The following SYNE2 variants were observed in gnomAD, a reference collection of about 807,000 sequenced individuals.
SYNE2 encodes nesprin-2.
A neutral mutation model predicts 856.3 loss-of-function variants in SYNE2; 431 were observed. The ratio of observed to expected loss-of-function variants is 0.50; its 90% CI spans 0.47 to 0.55. The LOEUF (loss-of-function observed/expected upper bound fraction) is 0.55. Among genes scored for constraint, SYNE2 ranks in the 20% least tolerant of loss-of-function variants. The pLI is 0.00. For missense variants in SYNE2, 8,129 were observed against 8,023.2 expected, an observed-to-expected ratio of 1.01 and a Z score of -0.50; for synonymous variants, 2,923 against 2,872.3, an observed-to-expected ratio of 1.02 and a Z score of -0.56.
chr14:64,128,676 A>G, intron 74 of SYNE2, 123 bp downstream of exon 74: 2 of 708,906 alleles, frequency 2.8e-6, no homozygotes, highest in Non-Finnish European at 5.2e-6. Flanking sequence ...TAAATAAAAA[A>G]TGAGAACTAT....
chr14:63,779,088 G>A (rs561212303), intron 1 of SYNE2, among the ~76,000 whole-genome samples: 9 of 152,140 alleles, frequency 5.9e-5, no homozygotes, highest in Admixed American at 2.0e-4. Context: ...GGGAGGTTGA[G>A]GTGGGTAGAT....
intron 1 of SYNE2, among the ~76,000 whole-genome samples, chr14:63,866,049 T>C (rs1481607726): frequency 6.6e-6 from 1 of 152,156 alleles, no homozygotes; most frequent in Admixed American, 6.5e-5. Context: ...TTTTTCCTTA[T>C]CTCAAATCCT....
At position 64,074,113 on chromosome 14, in the gene SYNE2, C is replaced by G; in HGVS notation, c.10843C>G (p.Pro3615Ala). 1.2e-6 allele frequency: 2 copies of G among 1,614,078 alleles called. No homozygotes were observed. The highest frequency in any genetic ancestry group is 2.2e-5 in the East Asian group (1 of 44,872). ...CCAAAATATGGCATTCCAGGATCAC[C>G]CAGAAAAGTCAGAACAATTTGAGGT... ...SFQNMAFQDH[P>A]EKSEQFEELQ... Residue 3615 changes from proline (P) to alanine (A), a missense_variant, in exon 53 of 116, where the codon CCA (proline) becomes GCA (alanine). Pro to Ala is a conservative substitution (Grantham distance 27, BLOSUM62 -1). Transcript: ENST00000555002.
chr14:64,158,787 A>T lies in SYNE2; in HGVS notation c.15955A>T (p.Asn5319Tyr). 6.2e-7 allele frequency: 1 copy of T among 1,613,892 alleles called. No homozygotes were observed. The highest frequency in any genetic ancestry group is 2.2e-5 in the East Asian group (1 of 44,870). Reference sequence around the variant, plus strand: ...GGAGACCTTGAGATGCCAGGTGGAGAACCTTCAGGTAAATTAACCAGAGCT... The same window carrying T: ...GGAGACCTTGAGATGCCAGGTGGAGTACCTTCAGGTAAATTAACCAGAGCT... ...SLETLRCQVE[N>Y]LQSLQDEAES... is the part of the protein sequence containing the mutation. The change falls in exon 86 of 116, where the codon AAC becomes TAC. Residue 5319 changes from asparagine (N) to tyrosine (Y), a missense_variant. Coordinates refer to ENST00000555002, the MANE Select transcript of SYNE2 (RefSeq NM_182914.3).
At chr14:63,975,574 TC>T (rs1041340987) in intron 11 of SYNE2, among the ~76,000 whole-genome samples, 9 of 152,186 alleles carry the variant, frequency 5.9e-5, no homozygotes, top group Admixed American at 5.9e-4. Flanking sequence ...GCTCAACTGA[TC>T]CGCCTGCCTT....
At chr14:64,041,856 AAAAAAAG>A (rs1452312470) in intron 45 of SYNE2, among the ~76,000 whole-genome samples, 2 of 151,954 alleles carry the variant, frequency 1.3e-5, no homozygotes, top group Non-Finnish European at 2.9e-5. Flanking sequence ...TCTTAAAAAA[AAAAAAAG>A]AAAAAAGAAA....
intron 45 of SYNE2, among the ~76,000 whole-genome samples, chr14:64,041,813 G>A (rs2097150573): frequency 6.6e-6 from 1 of 150,562 alleles, no homozygotes; most frequent in African/African-American, 2.5e-5. Context: ...TCACACCACT[G>A]CACTCCAGCC....
rs116599430 is a variant in SYNE2, at chr14:63,918,729, A to C, written c.79+9502A>C. On this transcript the variant is annotated intron_variant, in intron 2 of 115. Transcript: ENST00000555002. ...CTGGATTTTTCCATCTTTACTGCAC[A>C]GGGGATTTCATCAGTGGTGTTGTGT... Among the ~76,000 whole-genome samples, 961 of 152,322 alleles carry C rather than the reference A, an allele frequency of 6.3e-3. 16 individuals carry two copies. The highest frequency in any genetic ancestry group is 0.022 in the African/African-American group (932 of 41,560).
At position 64,020,011 on chromosome 14, in the gene SYNE2, A is replaced by C. The variant is rs367612349; in HGVS notation, c.5069A>C (p.Glu1690Ala). 2 of 1,612,824 alleles carry C rather than the reference A, an allele frequency of 1.2e-6. No homozygotes were observed. The highest frequency in any genetic ancestry group is 2.7e-5 in the African/African-American group (2 of 74,916). The part of the protein sequence containing the change: ...ERLKEELQVH[E>A]QKTSEFSRRV... ...TTTTAGGAAGAATTACAAGTCCATGAACAAAAAACTTCAGAATTTTCTAGA... is the reference window on the plus strand; with the variant it reads ...TTTTAGGAAGAATTACAAGTCCATGCACAAAAAACTTCAGAATTTTCTAGA... Residue 1690 changes from glutamate (E) to alanine (A), a missense_variant, in exon 35 of 116, where the codon GAA (glutamate) becomes GCA (alanine). Coordinates refer to ENST00000555002, the MANE Select transcript of SYNE2 (RefSeq NM_182914.3).
chr14:63,919,287 G>T (rs1270522862), intron 2 of SYNE2, among the ~76,000 whole-genome samples: 1 of 152,206 alleles, frequency 6.6e-6, no homozygotes, highest in Non-Finnish European at 1.5e-5. Flanking sequence ...AGATTTAAGT[G>T]AGTTTATATC....
At chr14:63,939,762 A>C (rs76681567) in intron 2 of SYNE2, among the ~76,000 whole-genome samples, 2,720 of 152,296 alleles carry the variant, frequency 0.018, 82 homozygotes, top group African/African-American at 0.061. Context: ...AATGCGTATT[A>C]CTTTTTTATT....
At position 64,053,450 on chromosome 14, in the gene SYNE2, T is replaced by C; in HGVS notation, c.9537T>C (p.Asn3179=). The change falls in exon 48 of 116, where the codon AAT becomes AAC. Residue 3179 remains asparagine (N), a synonymous_variant. Coordinates refer to ENST00000555002, the MANE Select transcript of SYNE2 (RefSeq NM_182914.3). The part of the protein sequence containing the change: ...KSQLQQPLLI[N]LEIKHIQNEK... ...AATTACAGCAGCCATTACTTATAAA[T>C]TTGGAAATTAAACATATTCAAAATG... The C allele has an allele frequency of 6.2e-7, 1 of 1,613,532 alleles. No individual in the cohort carries two copies. The highest frequency in any genetic ancestry group is 1.1e-5 in the South Asian group (1 of 90,736).
chr14:63,835,709 C>T (rs929176968), intron 1 of SYNE2, among the ~76,000 whole-genome samples: 5 of 152,008 alleles, frequency 3.3e-5, no homozygotes, highest in South Asian at 2.1e-4. Flanking sequence ...CAAGGCCGGG[C>T]GTGGTGGCTA....
chr14:64,060,435 A>G (rs1233257451), intron 49 of SYNE2, among the ~76,000 whole-genome samples: 1 of 152,112 alleles, frequency 6.6e-6, no homozygotes, highest in Admixed American at 6.5e-5. Context: ...GTGTCTGGAA[A>G]TGTCACCTAG....
intron 32 of SYNE2, among the ~76,000 whole-genome samples, chr14:64,013,633 G>C (rs542233143): frequency 6.6e-6 from 1 of 152,248 alleles, no homozygotes; most frequent in African/African-American, 2.4e-5. Context: ...TTCCACCTGT[G>C]TGGACAAACA....
At chr14:63,976,495 G>C in intron 11 of SYNE2, 68 bp from the exon 12 acceptor site, 1 of 1,510,262 alleles carries the variant, frequency 6.6e-7, no homozygotes, top group East Asian at 2.3e-5. Context: ...CAAACATACT[G>C]TATGTGAAGA....
At chr14:63,818,541 C>A (rs577570625) in intron 1 of SYNE2, among the ~76,000 whole-genome samples, 1 of 151,646 alleles carries the variant, frequency 6.6e-6, no homozygotes, top group South Asian at 2.1e-4. Flanking sequence ...AATAAGTAAA[C>A]GTATGTCAGT....
intron 2 of SYNE2, among the ~76,000 whole-genome samples, chr14:63,913,828 T>C (rs1453983719): frequency 1.3e-5 from 2 of 152,054 alleles, no homozygotes; most frequent in African/African-American, 4.8e-5. Context: ...AATAAATGGC[T>C]GTTTAAAATT....
At chr14:63,979,841 C>A (rs752745309) in intron 14 of SYNE2, among the ~76,000 whole-genome samples, 3 of 152,022 alleles carry the variant, frequency 2.0e-5, no homozygotes, top group Non-Finnish European at 2.9e-5. Flanking sequence ...GTGGAGGTTG[C>A]AGTTAGCCAA....
Sources: gnomAD v4.1 joint callset for allele counts (sites outside exome capture counted in the v4.1 genomes callset) on GRCh38, gnomAD v4.1.1 for gene constraint, MANE v1.5 for transcripts, NCBI Gene and HGNC (gene_info 2026-07-23, HGNC 2026-07-21) for gene names.